Variants in SEPTIN9 observed in about 807,000 individuals in gnomAD.
SEPTIN9 encodes septin-9.
Under a neutral mutation model 56.6 loss-of-function variants are expected in SEPTIN9, and 13 were observed. That is an observed-to-expected ratio of 0.23 (90% CI 0.15 to 0.37). The LOEUF is 0.37. SEPTIN9 is among the 10% of genes least tolerant of loss of function. SEPTIN9 has a pLI of 1.00. For synonymous variants in SEPTIN9, 332 were observed against 334.1 expected (o/e 0.99, Z 0.07); for missense variants, 650 against 823.1 (o/e 0.79, Z 2.57).
intron 3 of SEPTIN9, among the ~76,000 whole-genome samples, chr17:77,410,883 T>C (rs1189020574): frequency 1.3e-5 from 2 of 152,188 alleles, no homozygotes; most frequent in Non-Finnish European, 2.9e-5. Flanking sequence ...CTCTGTGTTC[T>C]GGCTCCCATT....
chr17:77,449,739 A>G lies in SEPTIN9; in HGVS notation c.722-32405A>G, dbSNP rs955440038. 1.3e-5 allele frequency among the ~76,000 whole-genome samples: 2 copies of G among 151,912 alleles called. No homozygotes were observed. The highest frequency in any genetic ancestry group is 4.8e-5 in the African/African-American group (2 of 41,352). On this transcript the variant is annotated intron_variant, in intron 3 of 11. Coordinates refer to ENST00000427177, the MANE Select transcript of SEPTIN9 (RefSeq NM_001113491.2). The surrounding 1 kb of genome is among the most constrained non-coding windows in gnomAD (Gnocchi z 4.6). ...GGGTGCCCTGGGCTGGGCTGCAGACAGTGGAAAAGACAGGCTCTTCTCACT... is the reference window on the plus strand; with the variant it reads ...GGGTGCCCTGGGCTGGGCTGCAGACGGTGGAAAAGACAGGCTCTTCTCACT...
intron 4 of SEPTIN9, among the ~76,000 whole-genome samples, chr17:77,486,767 C>A (rs768061867): frequency 6.6e-6 from 1 of 152,174 alleles, no homozygotes; most frequent in South Asian, 2.1e-4. Flanking sequence ...TCTGCACACA[C>A]GGTCACTGTC....
At chr17:77,288,112 G>T (rs965267466) in intron 1 of SEPTIN9, 2 of 1,063,084 alleles carry the variant, frequency 1.9e-6, no homozygotes, top group Non-Finnish European at 2.3e-6. Flanking sequence ...GGACTCTCTC[G>T]CTGACTCCTA....
rs968809610 is a variant in SEPTIN9, at chr17:77,449,842, G to A, written c.722-32302G>A. Reference sequence around the variant, plus strand: ...AGTGGCCGCACTTCCTGGCCTAGACGTGTGTGTCTTGCTGTAATTTTGGCG... The same window carrying A: ...AGTGGCCGCACTTCCTGGCCTAGACATGTGTGTCTTGCTGTAATTTTGGCG... On this transcript the variant is annotated intron_variant, in intron 3 of 11. Coordinates refer to ENST00000427177, the MANE Select transcript of SEPTIN9 (RefSeq NM_001113491.2). This position sits in a 1 kb window ranked among gnomAD's most constrained non-coding sequence, Gnocchi z 4.6. 9.2e-5 allele frequency among the ~76,000 whole-genome samples: 14 copies of A among 152,210 alleles called. No homozygotes were observed. Among genetic ancestry groups the A allele is most frequent in the African/African-American group, 1.4e-4 (6 of 41,444 alleles).
At chr17:77,464,173 A>G (rs1227199646) in intron 3 of SEPTIN9, among the ~76,000 whole-genome samples, 1 of 151,974 alleles carries the variant, frequency 6.6e-6, no homozygotes, top group Non-Finnish European at 1.5e-5. Flanking sequence ...TCCTGGGTTC[A>G]AGTGATTCTC....
chr17:77,287,813 A>G (rs1032287770), intron 1 of SEPTIN9: 3 of 904,348 alleles, frequency 3.3e-6, no homozygotes, highest in African/African-American at 3.6e-5. Context: ...CCAAAGCATG[A>G]CTGTTGGCAG....
At chr17:77,409,532 C>T (rs1398542166) in intron 3 of SEPTIN9, among the ~76,000 whole-genome samples, 3 of 152,198 alleles carry the variant, frequency 2.0e-5, no homozygotes, top group Non-Finnish European at 2.9e-5. Context: ...AGGAGGCAGG[C>T]GCTGGGGGCG....
intron 1 of SEPTIN9, among the ~76,000 whole-genome samples, chr17:77,289,650 C>T (rs541381529): frequency 1.3e-5 from 2 of 152,266 alleles, no homozygotes; most frequent in East Asian, 1.9e-4. Flanking sequence ...TCAGGTGATC[C>T]GCCCGCCTTG....
intron 3 of SEPTIN9, among the ~76,000 whole-genome samples, chr17:77,448,705 T>G (rs1220759982): frequency 6.6e-6 from 1 of 152,146 alleles, no homozygotes; most frequent in Non-Finnish European, 1.5e-5. Flanking sequence ...ATTGATAATA[T>G]TTTGGGCTCT....
intron 2 of SEPTIN9, among the ~76,000 whole-genome samples, chr17:77,337,480 C>T (rs566060559): frequency 3.7e-4 from 57 of 152,048 alleles, no homozygotes; most frequent in South Asian, 1.3e-3. Context: ...TAGTTTGTTT[C>T]GGTAATGTCT....
rs958127883 is a variant in SEPTIN9 at position 77,487,003 on chromosome 17, C to T, written c.914-421C>T. Among the ~76,000 whole-genome samples the T allele has an allele frequency of 6.6e-6, 1 of 152,220 alleles. No individual in the cohort carries two copies. The highest frequency in any genetic ancestry group is 1.9e-4 in the East Asian group (1 of 5,194). ...TGAACACCTGGGCTTTGGTTGCAACCACCCTGGTGAACTGCAGGAATCCCG... is the reference window on the plus strand; with the variant it reads ...TGAACACCTGGGCTTTGGTTGCAACTACCCTGGTGAACTGCAGGAATCCCG... On this transcript the variant is annotated intron_variant, in intron 4 of 11. Coordinates refer to ENST00000427177, the MANE Select transcript of SEPTIN9 (RefSeq NM_001113491.2). This position sits in a 1 kb window ranked among gnomAD's most constrained non-coding sequence, Gnocchi z 4.3.
chr17:77,402,159 C>T lies in SEPTIN9; in HGVS notation c.177C>T (p.Ser59=), dbSNP rs1435317094. Residue 59 remains serine, a synonymous_variant, in exon 3 of 12, where the codon TCC becomes TCT. Coordinates refer to ENST00000427177, the MANE Select transcript of SEPTIN9 (RefSeq NM_001113491.2). The surrounding 1 kb of genome is among the most constrained non-coding windows in gnomAD (Gnocchi z 6.6). ...TACTCCGAGCCACTGTGGCCAGCTC[C>T]ACCCAGAAATTCCAGGACCTGGGCG... The part of the protein sequence containing the change: ...TPLLRATVAS[S]TQKFQDLGVK... The T allele has an allele frequency of 6.2e-7, 1 of 1,613,926 alleles. No individual in the cohort carries two copies. Among genetic ancestry groups the T allele is most frequent in the South Asian group, 1.1e-5 (1 of 91,084 alleles).
intron 2 of SEPTIN9, among the ~76,000 whole-genome samples, chr17:77,337,189 T>C (rs973399362): frequency 6.6e-6 from 1 of 152,002 alleles, no homozygotes; most frequent in Non-Finnish European, 1.5e-5. Flanking sequence ...TAAAATTTTT[T>C]GTACAGATGG....
chr17:77,447,478 G>A (rs368115115), intron 3 of SEPTIN9, among the ~76,000 whole-genome samples: 8 of 152,356 alleles, frequency 5.3e-5, no homozygotes, highest in East Asian at 1.9e-4. Context: ...GGCCTGTGGC[G>A]GGCTGCCTTT....
intron 2 of SEPTIN9, among the ~76,000 whole-genome samples, chr17:77,399,156 G>A (rs748256065): frequency 3.3e-5 from 5 of 152,178 alleles, no homozygotes; most frequent in Admixed American, 1.3e-4. Flanking sequence ...CATTGCATCC[G>A]CACCGTAGAC....
At chr17:77,353,775 C>T (rs928555929) in intron 2 of SEPTIN9, among the ~76,000 whole-genome samples, 1 of 152,060 alleles carries the variant, frequency 6.6e-6, no homozygotes, top group Non-Finnish European at 1.5e-5. Context: ...GTGTCTCAGC[C>T]CCGCAATCCA....
intron 3 of SEPTIN9, among the ~76,000 whole-genome samples, chr17:77,416,846 G>A (rs770307186): frequency 8.5e-5 from 13 of 152,150 alleles, no homozygotes; most frequent in Non-Finnish European, 1.5e-4. Context: ...GATAAGATGC[G>A]GGATCCCAAC....
intron 2 of SEPTIN9, among the ~76,000 whole-genome samples, chr17:77,346,678 G>T (rs1320631127): frequency 6.6e-6 from 1 of 152,094 alleles, no homozygotes; most frequent in African/African-American, 2.4e-5. Context: ...CTTTATAACT[G>T]CTGATTAGGT....
At chr17:77,442,565 AG>A (rs1568072155) in intron 3 of SEPTIN9, among the ~76,000 whole-genome samples, 1 of 150,732 alleles carries the variant, frequency 6.6e-6, no homozygotes, top group Non-Finnish European at 1.5e-5. Flanking sequence ...ATAGGAAAAA[AG>A]GAAGGGGTGA....
Sources: gnomAD v4.1 joint callset for allele counts (sites outside exome capture counted in the v4.1 genomes callset) on GRCh38, gnomAD v4.1.1 for gene constraint, Gnocchi (gnomAD v3.1) non-coding constraint, MANE v1.5 for transcripts, NCBI Gene and HGNC (gene_info 2026-07-23, HGNC 2026-07-21) for gene names.